The following ADGRA2 variants were observed in gnomAD, a reference collection of about 807,000 sequenced individuals.
ADGRA2 encodes the protein adhesion G protein-coupled receptor A2, also known as G-protein coupled receptor 124.
In ADGRA2, 61 loss-of-function variants were observed where a neutral mutation model predicts 98.7. The ratio of observed to expected loss-of-function variants is 0.62; its 90% CI spans 0.50 to 0.76. ADGRA2 has a LOEUF of 0.76. Ranked by LOEUF, ADGRA2 falls within the 30% of genes least tolerant of loss-of-function variation. ADGRA2 has a pLI of 0.00. For missense variants in ADGRA2, 1,712 were observed against 1,860.0 expected (o/e 0.92, Z 1.46); for synonymous variants, 858 against 831.5 (o/e 1.03, Z -0.55).
At chr8:37,831,630 C>A (rs1258211772) in intron 8 of ADGRA2, 43 bp downstream of exon 8, 12 of 1,581,392 alleles carry the variant, frequency 7.6e-6, no homozygotes, top group African/African-American at 1.3e-5. Flanking sequence ...CAGCCCCCAA[C>A]CCCACCCTTG....
At chr8:37,812,574 C>A (rs7014778) in intron 1 of ADGRA2, among the ~76,000 whole-genome samples, 3,771 of 152,108 alleles carry the variant, frequency 0.025, 153 homozygotes, top group African/African-American at 0.087. Context: ...TTGCAGTGGG[C>A]GGAGATTGCA....
Position 37,835,185 on chromosome 8 carries a change from C to T in ADGRA2, c.1620C>T (p.Asn540=), listed in dbSNP as rs368588302. Residue 540 remains asparagine (N), a synonymous_variant, in exon 12 of 19, where the codon AAC becomes AAT. Transcript: ENST00000412232. ...GTCCCTGTCCCCAGAATGCGAGGAACGTGGCATTGGAGGCCTACCTCATCA... is the reference window on the plus strand; with the variant it reads ...GTCCCTGTCCCCAGAATGCGAGGAATGTGGCATTGGAGGCCTACCTCATCA... ...HAQHISVNAR[N]VALEAYLIKP... 22 of 1,612,944 alleles carry T rather than the reference C, an allele frequency of 1.4e-5. No homozygotes were observed. The highest frequency in any genetic ancestry group is 1.3e-4 in the East Asian group (6 of 44,852).
chr8:37,824,482 A>C (rs1030306612), intron 2 of ADGRA2, among the ~76,000 whole-genome samples: 4 of 147,998 alleles, frequency 2.7e-5, no homozygotes, highest in African/African-American at 1.0e-4. Context: ...GTATCCTCTA[A>C]GGTGCAATTT....
At position 37,797,578 on chromosome 8, in the gene ADGRA2, G is replaced by A; in HGVS notation, c.266+44G>A. 1.5e-6 allele frequency: 2 copies of A among 1,315,656 alleles called. No individual in the cohort carries two copies. The highest frequency in any genetic ancestry group is 2.0e-6 in the Non-Finnish European group (2 of 1,024,392). 81.5% of individuals were successfully genotyped at this position (1,315,656 alleles called of 1,614,324 possible). A position where few individuals can be genotyped will look rare whatever the true frequency, so the allele number is the denominator to read the frequency against. On this transcript the variant is annotated intron_variant, in intron 1 of 18. Transcript: ENST00000412232. The surrounding 1 kb of genome is among the most constrained non-coding windows in gnomAD (Gnocchi z 5.3). ...CAGTTCCGTCCGAGCCGGGACTGGG[G>A]ACGAAGGGAGGCGAGACGGGAGGGG...
At chr8:37,831,387 G>A (rs759684635) in intron 7 of ADGRA2, 36 bp from the exon 8 acceptor site, 1 of 1,601,576 alleles carries the variant, frequency 6.2e-7, no homozygotes, top group Non-Finnish European at 8.5e-7. Flanking sequence ...TGGGCCCAAG[G>A]GTGACTCACG....
intron 1 of ADGRA2, among the ~76,000 whole-genome samples, chr8:37,804,181 C>G (rs1184386197): frequency 6.7e-6 from 1 of 149,158 alleles, no homozygotes; most frequent in Non-Finnish European, 1.5e-5. Context: ...TCTAACTAGA[C>G]CCCAGGGCTC....
In ADGRA2 at chr8:37,840,318, C is replaced by T. The variant is rs1019243477; in HGVS notation, c.2657+52C>T. ...AATTGGGGAGGGACTCCAACGCAGGCGTAGGAAACCTCCCAAGGTGGGTGA... is the reference window on the plus strand; with the variant it reads ...AATTGGGGAGGGACTCCAACGCAGGTGTAGGAAACCTCCCAAGGTGGGTGA... On this transcript the variant is annotated intron_variant, in intron 17 of 18. Coordinates refer to ENST00000412232, the MANE Select transcript of ADGRA2 (RefSeq NM_032777.10). 11 of 1,583,506 alleles carry T rather than the reference C, an allele frequency of 6.9e-6. No individual in the cohort carries two copies. In the African/African-American group the frequency reaches 9.4e-5, roughly 14 times the overall value.
chr8:37,797,076 C>T lies in ADGRA2; in HGVS notation c.-193C>T. Reference sequence around the variant, plus strand: ...CTGACAGCCGCGCCGACGTCCTCCCCGCCGGGGCGCTCGCAGGACATGCCC... The same window carrying T: ...CTGACAGCCGCGCCGACGTCCTCCCTGCCGGGGCGCTCGCAGGACATGCCC... On this transcript the variant is annotated 5_prime_UTR_variant, in exon 1 of 19. Coordinates refer to ENST00000412232, the MANE Select transcript of ADGRA2 (RefSeq NM_032777.10). This position sits in a 1 kb window ranked among gnomAD's most constrained non-coding sequence, Gnocchi z 5.3. 1 of 244,384 alleles carries T rather than the reference C, an allele frequency of 4.1e-6. No homozygotes were observed. Among genetic ancestry groups the T allele is most frequent in the Non-Finnish European group, 7.4e-6 (1 of 135,610 alleles). The allele number at this position is 244,384 out of a possible 1,614,324, so 15.1% of individuals were successfully genotyped here. A position where few individuals can be genotyped will look rare whatever the true frequency, so the allele number is the denominator to read the frequency against.
intron 1 of ADGRA2, among the ~76,000 whole-genome samples, chr8:37,807,449 A>G (rs1464569775): frequency 2.6e-5 from 4 of 152,228 alleles, no homozygotes; most frequent in Admixed American, 2.6e-4. Flanking sequence ...TGCTAATGAC[A>G]TAGTATGACA....
intron 13 of ADGRA2, among the ~76,000 whole-genome samples, chr8:37,836,074 CA>C (rs1805605153): frequency 1.3e-5 from 2 of 150,984 alleles, no homozygotes; most frequent in African/African-American, 2.4e-5. Context: ...CACACACACA[CA>C]CACACACACA....
At chr8:37,833,295 T>A (rs1805511976) in intron 9 of ADGRA2, 87 bp downstream of exon 9, 2 of 1,079,242 alleles carry the variant, frequency 1.9e-6, no homozygotes, top group Non-Finnish European at 2.6e-6. Context: ...GGGAGCCCTA[T>A]CTCCGGGCCG....
chr8:37,808,789 GA>G (rs1485278521), intron 1 of ADGRA2, among the ~76,000 whole-genome samples: 4 of 152,020 alleles, frequency 2.6e-5, no homozygotes, highest in Non-Finnish European at 5.9e-5. Flanking sequence ...CTCACCTCTA[GA>G]AAAACTTTTT....
At chr8:37,839,198 G>T in intron 15 of ADGRA2, 115 bp downstream of exon 15, 1 of 1,414,026 alleles carries the variant, frequency 7.1e-7, no homozygotes, top group South Asian at 1.2e-5. Flanking sequence ...TTTGCAATGG[G>T]GGAGGGACTC....
chr8:37,828,708 A>C (rs1304187840), intron 2 of ADGRA2, among the ~76,000 whole-genome samples, 180 bp from the exon 3 acceptor site: 6 of 146,706 alleles, frequency 4.1e-5, no homozygotes, highest in Non-Finnish European at 9.0e-5. Flanking sequence ...GATGGCCTTG[A>C]TCAGGGGTGG....
At position 37,842,526 on chromosome 8, in the gene ADGRA2, A is replaced by G. The variant is rs1805839708; in HGVS notation, c.*171A>G. The G allele has an allele frequency of 2.7e-6, 3 of 1,112,520 alleles. No individual in the cohort carries two copies. The highest frequency in any genetic ancestry group is 3.2e-4 in the Middle Eastern group (1 of 3,112). The allele number at this position is 1,112,520 out of a possible 1,614,324, so 68.9% of individuals were successfully genotyped here. ...TGCCTAGAGGGCATCCCTCTGGGGTAGCGACAGACAATCCCAGAAACACGC... is the reference window on the plus strand; with the variant it reads ...TGCCTAGAGGGCATCCCTCTGGGGTGGCGACAGACAATCCCAGAAACACGC... On this transcript the variant is annotated 3_prime_UTR_variant, in exon 19 of 19. Coordinates refer to ENST00000412232, the MANE Select transcript of ADGRA2 (RefSeq NM_032777.10).
Position 37,797,465 on chromosome 8 carries a change from T to C in ADGRA2, c.197T>C (p.Val66Ala). 2 of 1,402,052 alleles carry C rather than the reference T, an allele frequency of 1.4e-6. No homozygotes were observed. The highest frequency in any genetic ancestry group is 1.5e-5 in the African/African-American group (1 of 65,716). The allele number at this position is 1,402,052 out of a possible 1,614,324, so 86.9% of individuals were successfully genotyped here. A position where few individuals can be genotyped will look rare whatever the true frequency, so the allele number is the denominator to read the frequency against. ...GGVPGPARRR[V>A]VCSGGDLPEP... is the part of the protein sequence containing the mutation. Reference sequence around the variant, plus strand: ...GTCCCTGGCCCGGCTCGGCGGAGGGTGGTGTGCAGCGGCGGGGACCTCCCG... The same window carrying C: ...GTCCCTGGCCCGGCTCGGCGGAGGGCGGTGTGCAGCGGCGGGGACCTCCCG... Residue 66 changes from valine to alanine, a missense_variant, in exon 1 of 19, where the codon GTG becomes GCG. Physicochemically the swap from Val to Ala is moderately conservative, Grantham distance 64. Coordinates refer to ENST00000412232, the MANE Select transcript of ADGRA2 (RefSeq NM_032777.10). This position sits in a 1 kb window ranked among gnomAD's most constrained non-coding sequence, Gnocchi z 5.3.
At chr8:37,798,740 G>C (rs1194379429) in intron 1 of ADGRA2, among the ~76,000 whole-genome samples, 2 of 152,366 alleles carry the variant, frequency 1.3e-5, no homozygotes, top group East Asian at 1.9e-4. Context: ...CCTCTGGTTG[G>C]GTGAGTTCAG....
chr8:37,814,881 T>C lies in ADGRA2; in HGVS notation c.267-15T>C. On this transcript the variant is annotated splice_polypyrimidine_tract_variant and intron_variant, in intron 1 of 18. Coordinates refer to ENST00000412232, the MANE Select transcript of ADGRA2 (RefSeq NM_032777.10). This position sits in a 1 kb window ranked among gnomAD's most constrained non-coding sequence, Gnocchi z 4.3. Reference sequence around the variant, plus strand: ...ACAGCACCTTGTCCTGTCTGTGTCCTCTCTGTCTCTTCAGGCTCTTGAGCA... The same window carrying C: ...ACAGCACCTTGTCCTGTCTGTGTCCCCTCTGTCTCTTCAGGCTCTTGAGCA... The C allele has an allele frequency of 6.2e-7, 1 of 1,601,118 alleles. No homozygotes were observed. The highest frequency in any genetic ancestry group is 2.2e-5 in the East Asian group (1 of 44,816).
chr8:37,809,976 C>T (rs1309488539), intron 1 of ADGRA2, among the ~76,000 whole-genome samples: 1 of 152,202 alleles, frequency 6.6e-6, no homozygotes, highest in Non-Finnish European at 1.5e-5. Flanking sequence ...TGTCGCTCTG[C>T]TGCCGCCCTG....
Sources: gnomAD v4.1 joint callset for allele counts (sites outside exome capture counted in the v4.1 genomes callset) on GRCh38, gnomAD v4.1.1 for gene constraint, Gnocchi (gnomAD v3.1) non-coding constraint, MANE v1.5 for transcripts, NCBI Gene and HGNC (gene_info 2026-07-23, HGNC 2026-07-21) for gene names.